Variants in FAM168A observed in about 807,000 individuals in gnomAD.
FAM168A encodes the protein family with sequence similarity 168 member A, also known as protein FAM168A.
In FAM168A, 3 loss-of-function variants were observed where a neutral mutation model predicts 28.5. The observed-to-expected ratio is 0.11, with a 90% CI of 0.05 to 0.27. The LOEUF (loss-of-function observed/expected upper bound fraction) is 0.27, where lower values mean the gene tolerates loss of function less well. Ranked by LOEUF, FAM168A falls within the 10% of genes least tolerant of loss-of-function variation. FAM168A has a pLI of 1.00. For synonymous variants in FAM168A, 122 were observed against 124.2 expected (o/e 0.98, Z 0.12); for missense variants, 222 against 311.5 (o/e 0.71, Z 2.16).
chr11:73,545,713 A>G (rs2134685250), intron 1 of FAM168A, among the ~76,000 whole-genome samples: 1 of 127,832 alleles, frequency 7.8e-6, no homozygotes, highest in East Asian at 2.2e-4. Context: ...TTTTGGAGAC[A>G]GAGTCTTGCT....
chr11:73,482,425 A>T (rs1435813322), intron 1 of FAM168A, among the ~76,000 whole-genome samples: 1 of 152,018 alleles, frequency 6.6e-6, no homozygotes, highest in Non-Finnish European at 1.5e-5. Flanking sequence ...GTGAAAGCAT[A>T]CTTCCAGGAA....
chr11:73,572,133 C>T (rs1156963622), intron 1 of FAM168A, among the ~76,000 whole-genome samples: 5 of 150,348 alleles, frequency 3.3e-5, no homozygotes, highest in Non-Finnish European at 5.9e-5. Flanking sequence ...CGTTTCCGCC[C>T]GGCAGCCACC....
rs565940969 is a variant in FAM168A at position 73,479,612 on chromosome 11, G to T, written c.-18-11120C>A. Among the ~76,000 whole-genome samples the T allele has an allele frequency of 2.6e-5, 4 of 152,272 alleles. No homozygotes were observed. The East Asian group carries it at 7.7e-4, about 29-fold the overall frequency. On this transcript the variant is annotated intron_variant, in intron 1 of 7. Transcript: ENST00000356467. ...TAGCTCTTAGAAAAGATCTCAGAAA[G>T]CCAGACTGTGCATGGCTACAGGTAA... is the stretch of plus-strand genomic sequence containing the variant.
At chr11:73,544,943 A>ATATATAATATATTATATATAATATATAT (rs1252242546) in intron 1 of FAM168A, among the ~76,000 whole-genome samples, 7 of 94,134 alleles carry the variant, frequency 7.4e-5, no homozygotes, top group Admixed American at 6.5e-4. Flanking sequence ...ATATTATGTA[A>ATATATAATATATTATATATAATATATAT]TATATAATAT....
chr11:73,464,500 C>T (rs1867702979), intron 2 of FAM168A, among the ~76,000 whole-genome samples: 1 of 152,124 alleles, frequency 6.6e-6, no homozygotes, highest in African/African-American at 2.4e-5. Flanking sequence ...AAGGTCAACA[C>T]AGGAGGAGTC....
chr11:73,582,725 T>C (rs1424873392), intron 1 of FAM168A, among the ~76,000 whole-genome samples: 1 of 152,318 alleles, frequency 6.6e-6, no homozygotes, highest in Admixed American at 6.5e-5. Context: ...AGAGGAAACT[T>C]TGAAGCAGAA....
intron 3 of FAM168A, among the ~76,000 whole-genome samples, chr11:73,426,904 C>G (rs1167428553): frequency 1.3e-5 from 2 of 152,040 alleles, no homozygotes; most frequent in Non-Finnish European, 2.9e-5. Flanking sequence ...GTCTGGGTGA[C>G]TTTAGTAGAA....
chr11:73,577,836 T>C (rs1322443145), intron 1 of FAM168A, among the ~76,000 whole-genome samples: 2 of 152,180 alleles, frequency 1.3e-5, no homozygotes, highest in African/African-American at 4.8e-5. Context: ...CATCTGTTCA[T>C]AATTAATAGC....
At chr11:73,573,377 C>A (rs1185914528) in intron 1 of FAM168A, among the ~76,000 whole-genome samples, 1 of 152,140 alleles carries the variant, frequency 6.6e-6, no homozygotes, top group East Asian at 1.9e-4. Flanking sequence ...CAAGGAGCCT[C>A]CCACTTCCTT....
At chr11:73,433,076 CTTTTTTTT>C (rs34994742) in intron 2 of FAM168A, among the ~76,000 whole-genome samples, 1 of 80,592 alleles carries the variant, frequency 1.2e-5, no homozygotes, top group South Asian at 3.5e-4. Flanking sequence ...CACGCCCCGC[CTTTTTTTT>C]TTTTTTTTTT....
chr11:73,437,954 C>G (rs537614240), intron 2 of FAM168A, among the ~76,000 whole-genome samples: 8 of 152,266 alleles, frequency 5.3e-5, no homozygotes, highest in African/African-American at 1.9e-4. Context: ...AATCCCCTTC[C>G]CTTAAAACAA....
In FAM168A at chr11:73,403,398, T is replaced by A. The variant is rs907638055; in HGVS notation, c.*3365A>T. The A allele has an allele frequency of 2.0e-5, 3 of 151,906 alleles. No individual in the cohort carries two copies. The highest frequency in any genetic ancestry group is 7.3e-5 in the African/African-American group (3 of 41,174). 9.4% of individuals were successfully genotyped at this position (151,906 alleles called of 1,614,324 possible). On this transcript the variant is annotated 3_prime_UTR_variant, in exon 8 of 8. Coordinates refer to ENST00000356467, the MANE Select transcript of FAM168A (RefSeq NM_015159.3). ...AAAAGGGTTGGCTGGTAACGAGCCA[T>A]CTGTACCCCTGATCCTGGCCATAGG...
chr11:73,415,873 G>T (rs1866686355), intron 4 of FAM168A, among the ~76,000 whole-genome samples: 1 of 152,186 alleles, frequency 6.6e-6, no homozygotes, highest in African/African-American at 2.4e-5. Context: ...TTGGAATGTT[G>T]TGCCTGAAGG....
intron 1 of FAM168A, among the ~76,000 whole-genome samples, chr11:73,541,163 T>C (rs561112058): frequency 3.3e-4 from 50 of 151,820 alleles, no homozygotes; most frequent in Middle Eastern, 3.4e-3. Context: ...CAAGAATGCA[T>C]TACCGCACTC....
In FAM168A at chr11:73,407,595, A is replaced by G. The variant is rs1168036666; in HGVS notation, c.644T>C (p.Val215Ala). 7 of 1,609,952 alleles carry G rather than the reference A, an allele frequency of 4.3e-6. No homozygotes were observed. Among genetic ancestry groups the G allele is most frequent in the African/African-American group, 2.7e-5 (2 of 74,568 alleles). Residue 215 changes from valine to alanine, a missense_variant, in exon 7 of 8, where the codon GTC becomes GCC. Physicochemically the swap from Val to Ala is moderately conservative, Grantham distance 64. Transcript: ENST00000356467. ...TTGGGCCCTATATGTTGGCATGGAGACAGGGTGTGCCCCAATCGCCGTGTG... is the reference window on the plus strand; with the variant it reads ...TTGGGCCCTATATGTTGGCATGGAGGCAGGGTGTGCCCCAATCGCCGTGTG... ...PQHTAIGAHPVSMPTYRAQGT... is the reference protein window; with the variant it reads ...PQHTAIGAHPASMPTYRAQGT...
chr11:73,544,013 T>C (rs955269497), intron 1 of FAM168A, among the ~76,000 whole-genome samples: 1 of 152,160 alleles, frequency 6.6e-6, no homozygotes. Flanking sequence ...ATGCCTGTAG[T>C]CCTAGCTAGT....
chr11:73,553,543 G>A (rs897740006), intron 1 of FAM168A, among the ~76,000 whole-genome samples: 3 of 152,132 alleles, frequency 2.0e-5, no homozygotes, highest in Admixed American at 2.0e-4. Context: ...GGCAGTATGG[G>A]GAGTTAGAGC....
intron 1 of FAM168A, among the ~76,000 whole-genome samples, chr11:73,588,112 G>C (rs1033520808): frequency 6.6e-6 from 1 of 152,084 alleles, no homozygotes; most frequent in African/African-American, 2.4e-5. Context: ...AAGCACTAAA[G>C]CACTTGTGCA....
chr11:73,481,881 C>T lies in FAM168A; in HGVS notation c.-18-13389G>A, dbSNP rs146242600. Among the ~76,000 whole-genome samples the T allele has an allele frequency of 6.9e-3, 1,052 of 152,232 alleles. 11 individuals carry two copies. Among genetic ancestry groups the T allele is most frequent in the African/African-American group, 0.022 (920 of 41,540 alleles). ...GGTCTTCAGGTCATAAAGGCTCTGC[C>T]GTCATGAATGGATTAACATCCTTAT... On this transcript the variant is annotated intron_variant, in intron 1 of 7. Coordinates refer to ENST00000356467, the MANE Select transcript of FAM168A (RefSeq NM_015159.3).
Sources: gnomAD v4.1 joint callset for allele counts (sites outside exome capture counted in the v4.1 genomes callset) on GRCh38, gnomAD v4.1.1 for gene constraint, MANE v1.5 for transcripts, NCBI Gene and HGNC (gene_info 2026-07-23, HGNC 2026-07-21) for gene names.